HOOK3: variants seen among roughly 807,000 people sequenced by gnomAD.
The protein encoded by HOOK3 is protein Hook homolog 3.
Under a neutral mutation model 116.3 loss-of-function variants are expected in HOOK3, and 24 were observed. The ratio of observed to expected loss-of-function variants is 0.21; its 90% CI spans 0.15 to 0.29. The LOEUF (loss-of-function observed/expected upper bound fraction) is 0.29. Among genes scored for constraint, HOOK3 ranks in the 10% least tolerant of loss-of-function variants. HOOK3 has a pLI of 1.00. For synonymous variants in HOOK3, 275 were observed against 283.0 expected (o/e 0.97, Z 0.28); for missense variants, 632 against 830.2 (o/e 0.76, Z 2.93).
In HOOK3 at chr8:43,020,431, G is replaced by T; in HGVS notation, c.*1933G>T. 5.3e-6 allele frequency: 1 copy of T among 188,738 alleles called. No individual in the cohort carries two copies. Among genetic ancestry groups the T allele is most frequent in the Non-Finnish European group, 1.1e-5 (1 of 89,748 alleles). The allele number at this position is 188,738 out of a possible 1,614,324, so 11.7% of individuals were successfully genotyped here. On this transcript the variant is annotated 3_prime_UTR_variant, in exon 22 of 22. Transcript: ENST00000307602. ...ATCCAACTATTTTTAAAGCAAATTG[G>T]GGCCAGACGTGGTGCCTCACGCCTG...
At chr8:42,960,126 A>G (rs756658769) in intron 8 of HOOK3, among the ~76,000 whole-genome samples, 2 of 152,210 alleles carry the variant, frequency 1.3e-5, no homozygotes, top group African/African-American at 4.8e-5. Context: ...AGATTTCATT[A>G]TTTTTATAAG....
chr8:42,953,529 A>C (rs917697325), intron 6 of HOOK3, among the ~76,000 whole-genome samples: 7 of 151,176 alleles, frequency 4.6e-5, no homozygotes, highest in African/African-American at 1.7e-4. Flanking sequence ...GCGCCACTGC[A>C]CTCCAGCCTG....
rs1019416192 is a variant in HOOK3, at chr8:42,906,364, A to C, written c.143+106A>C. 1.3e-5 allele frequency: 10 copies of C among 788,394 alleles called. No individual in the cohort carries two copies. The African/African-American group carries it at 1.7e-4, about 14-fold the overall frequency. 48.8% of individuals were successfully genotyped at this position (788,394 alleles called of 1,614,324 possible). Reference sequence around the variant, plus strand: ...TTACATGAAACGTGTGTAGAGTAAGAGTTGTAGGCGGCAGCAGCACTAGTT... The same window carrying C: ...TTACATGAAACGTGTGTAGAGTAAGCGTTGTAGGCGGCAGCAGCACTAGTT... On this transcript the variant is annotated intron_variant, in intron 2 of 21. Coordinates refer to ENST00000307602, the MANE Select transcript of HOOK3 (RefSeq NM_032410.4).
At chr8:42,974,826 G>A (rs1808790188) in intron 13 of HOOK3, among the ~76,000 whole-genome samples, 1 of 152,284 alleles carries the variant, frequency 6.6e-6, no homozygotes. Context: ...CAGTCTCTGC[G>A]GCTCCCTTCC....
In HOOK3 at chr8:42,897,152, G is replaced by C. The variant is rs1481751261; in HGVS notation, c.21G>C (p.Leu7=). The part of the protein sequence containing the change: MFSVES[L]ERAELCESLL... ...GGAAGATGTTCAGCGTAGAGTCGCT[G>C]GAGCGGGCGGAGCTGTGCGAGAGCC... Residue 7 remains leucine (L), a synonymous_variant, in exon 1 of 22, where the codon CTG becomes CTC. Coordinates refer to ENST00000307602, the MANE Select transcript of HOOK3 (RefSeq NM_032410.4). 1 of 1,248,112 alleles carries C rather than the reference G, an allele frequency of 8.0e-7. No homozygotes were observed. The highest frequency in any genetic ancestry group is 1.6e-5 in the African/African-American group (1 of 64,512). 77.3% of individuals were successfully genotyped at this position (1,248,112 alleles called of 1,614,324 possible).
Position 42,950,452 on chromosome 8 carries a change from A to G in HOOK3, c.465A>G (p.Gln155=), listed in dbSNP as rs756831063. 5 of 1,604,732 alleles carry G rather than the reference A, an allele frequency of 3.1e-6. No homozygotes were observed. The Admixed American group carries it at 5.0e-5, about 16-fold the overall frequency. The part of the protein sequence containing the change: ...SVQHVVMTAI[Q]ELMSKESPVS... The stretch of plus-strand genomic sequence containing the variant: ...AACATGTTGTCATGACAGCCATTCA[A>G]GAGGTATGTTGGAGCTTCATGCTTA... The change falls in exon 6 of 22, where the codon CAA becomes CAG. Residue 155 remains glutamine, a synonymous_variant. Coordinates refer to ENST00000307602, the MANE Select transcript of HOOK3 (RefSeq NM_032410.4).
rs1332327334 is a variant in HOOK3, at chr8:43,029,566, GA to G, written c.*11072del. ...TGTAATTCAGAATGCTTTGTACTTA[GA>G]AAATAATTTCTAGGCTTATCTTGTT... On this transcript the variant is annotated 3_prime_UTR_variant, in exon 22 of 22. Transcript: ENST00000307602. 9 of 190,006 alleles carry G rather than the reference GA, an allele frequency of 4.7e-5. No individual in the cohort carries two copies. The highest frequency in any genetic ancestry group is 7.7e-5 in the Non-Finnish European group (7 of 90,480). 11.8% of individuals were successfully genotyped at this position (190,006 alleles called of 1,614,324 possible).
chr8:42,989,303 A>G (rs1809111051), intron 15 of HOOK3, among the ~76,000 whole-genome samples: 2 of 152,208 alleles, frequency 1.3e-5, no homozygotes, highest in South Asian at 4.1e-4. Flanking sequence ...AATGTTAACT[A>G]TCTCAATCCC....
chr8:43,001,165 G>A (rs554948870), intron 16 of HOOK3: 1 of 151,946 alleles, frequency 6.6e-6, no homozygotes, highest in East Asian at 1.9e-4. Context: ...GTATATTTGG[G>A]AAGCGGTGAT....
intron 11 of HOOK3, among the ~76,000 whole-genome samples, chr8:42,971,260 T>C (rs1808721784): frequency 2.0e-5 from 3 of 152,186 alleles, no homozygotes; most frequent in Admixed American, 1.3e-4. Context: ...GTGTTTTTTG[T>C]TTTTGTTTTT....
chr8:43,020,722 A>C lies in HOOK3; in HGVS notation c.*2224A>C, dbSNP rs1369878944. ...GAGTGAGACTCTGTCTCAATCAGTC[A>C]ATCAATCAATCAATCAAATTGGAAT... On this transcript the variant is annotated 3_prime_UTR_variant, in exon 22 of 22. Transcript: ENST00000307602. 1 of 176,776 alleles carries C rather than the reference A, an allele frequency of 5.7e-6. No homozygotes were observed. Among genetic ancestry groups the C allele is most frequent in the African/African-American group, 2.4e-5 (1 of 42,182 alleles). 11.0% of individuals were successfully genotyped at this position (176,776 alleles called of 1,614,324 possible). A position where few individuals can be genotyped will look rare whatever the true frequency, so the allele number is the denominator to read the frequency against.
chr8:42,911,704 A>T (rs1011164995), intron 2 of HOOK3, among the ~76,000 whole-genome samples: 1 of 152,212 alleles, frequency 6.6e-6, no homozygotes, highest in African/African-American at 2.4e-5. Flanking sequence ...ATATAAAATC[A>T]GCATATTTTG....
intron 4 of HOOK3, among the ~76,000 whole-genome samples, chr8:42,933,940 A>G (rs1807917833): frequency 6.6e-6 from 1 of 151,926 alleles, no homozygotes. Flanking sequence ...TATGAGAAGG[A>G]GTTTTTTTGT....
intron 8 of HOOK3, 63 bp from the exon 9 acceptor site, chr8:42,964,248 A>G (rs1052282661): frequency 1.4e-5 from 21 of 1,488,132 alleles, no homozygotes; most frequent in Non-Finnish European, 2.0e-5. Context: ...GTAATTCACA[A>G]GTGATTGAGC....
intron 6 of HOOK3, among the ~76,000 whole-genome samples, chr8:42,951,461 A>G (rs965172133): frequency 6.6e-6 from 1 of 152,224 alleles, no homozygotes; most frequent in Non-Finnish European, 1.5e-5. Flanking sequence ...TCCCAAAGCA[A>G]TTTCTAGATG....
intron 16 of HOOK3, 97 bp downstream of exon 16, chr8:42,997,734 GTAT>G (rs1173877478): frequency 1.4e-6 from 1 of 740,518 alleles, no homozygotes; most frequent in South Asian, 1.5e-5. Flanking sequence ...AAATAATTTA[GTAT>G]TATATTGGTT....
chr8:42,918,682 G>A (rs1245723957), intron 2 of HOOK3, among the ~76,000 whole-genome samples: 1 of 152,128 alleles, frequency 6.6e-6, no homozygotes, highest in Non-Finnish European at 1.5e-5. Context: ...ATCTTGCACC[G>A]CCCTTGATCC....
chr8:42,938,605 C>G (rs977381054), intron 4 of HOOK3, among the ~76,000 whole-genome samples: 1 of 152,132 alleles, frequency 6.6e-6, no homozygotes, highest in African/African-American at 2.4e-5. Flanking sequence ...CAAAATCTCT[C>G]AGCATTTGCT....
At chr8:42,918,368 A>G (rs1807572156) in intron 2 of HOOK3, among the ~76,000 whole-genome samples, 2 of 152,118 alleles carry the variant, frequency 1.3e-5, no homozygotes, top group Non-Finnish European at 2.9e-5. Context: ...AAAAAATTAC[A>G]TTGCTTCAAT....
Sources: gnomAD v4.1 joint callset for allele counts (sites outside exome capture counted in the v4.1 genomes callset) on GRCh38, gnomAD v4.1.1 for gene constraint, MANE v1.5 for transcripts, NCBI Gene and HGNC (gene_info 2026-07-23, HGNC 2026-07-21) for gene names.